The following SMIM45 variants were observed in gnomAD, a reference collection of about 807,000 sequenced individuals.
SMIM45 encodes the protein small integral membrane protein 45.
At chr22:41,953,740 G>GTT in the SMIM45 span, among the ~76,000 whole-genome samples, 128 of 89,322 alleles carry the variant, frequency 1.4e-3, 19 homozygotes, top group Non-Finnish European at 2.4e-3. Context: ...TCTGTGATCT[G>GTT]TTTTTTTTTT....
At chr22:41,947,843 C>T in the SMIM45 span, among the ~76,000 whole-genome samples, 4 of 152,010 alleles carry the variant, frequency 2.6e-5, no homozygotes, top group East Asian at 1.9e-4. Context: ...CCATGTTGCC[C>T]AGGTGGGTCG....
the SMIM45 span, chr22:41,947,277 G>C: frequency 1.7e-6 from 1 of 596,498 alleles, no homozygotes; most frequent in Non-Finnish European, 3.0e-6. Context: ...GGAACACGTG[G>C]TGGACAGGCC....
At chr22:41,951,739 T>C in the SMIM45 span, among the ~76,000 whole-genome samples, 9 of 152,218 alleles carry the variant, frequency 5.9e-5, no homozygotes, top group Admixed American at 5.9e-4. Context: ...ATTGAGCCAA[T>C]GTGTCTGAAC....
the SMIM45 span, among the ~76,000 whole-genome samples, chr22:41,948,752 TA>T: frequency 2.0e-5 from 3 of 152,112 alleles, no homozygotes; most frequent in Admixed American, 2.0e-4. Context: ...ACCTCATCTC[TA>T]CAAAAAAATT....
chr22:41,956,828 G>A, the SMIM45 span, among the ~76,000 whole-genome samples: 1 of 152,240 alleles, frequency 6.6e-6, no homozygotes, highest in Non-Finnish European at 1.5e-5. Flanking sequence ...TCGCTCTGTT[G>A]CCCAGGCTGG....
chr22:41,958,302 G>C, the SMIM45 span: 1 of 456,644 alleles, frequency 2.2e-6, no homozygotes, highest in South Asian at 1.5e-5. Context: ...CAATGGCACC[G>C]GCCCTGCAAC....
the SMIM45 span, among the ~76,000 whole-genome samples, chr22:41,955,956 T>G: frequency 6.6e-6 from 1 of 152,082 alleles, no homozygotes; most frequent in Admixed American, 6.6e-5. Flanking sequence ...TCTGAATATT[T>G]TACATAAATT....
chr22:41,957,146 C>G, the SMIM45 span, among the ~76,000 whole-genome samples: 1 of 150,232 alleles, frequency 6.7e-6, no homozygotes, highest in East Asian at 2.0e-4. Flanking sequence ...TCTGTGCTTG[C>G]CCACGAGGCC....
chr22:41,947,670 T>C, the SMIM45 span, among the ~76,000 whole-genome samples: 15 of 131,272 alleles, frequency 1.1e-4, no homozygotes, highest in Non-Finnish European at 1.9e-4. Context: ...TGCCTGGCCC[T>C]TTTTTTTTTT....
chr22:41,948,091 G>A, the SMIM45 span, among the ~76,000 whole-genome samples: 24 of 152,140 alleles, frequency 1.6e-4, no homozygotes, highest in Non-Finnish European at 7.3e-5. Context: ...ATGCAGGGAC[G>A]CTCAGGGCCC....
At chr22:41,955,449 G>A in the SMIM45 span, among the ~76,000 whole-genome samples, 1 of 152,082 alleles carries the variant, frequency 6.6e-6, no homozygotes, top group Non-Finnish European at 1.5e-5. Flanking sequence ...AAAGTGCTGG[G>A]ATCATAGGCA....
the SMIM45 span, among the ~76,000 whole-genome samples, chr22:41,951,366 A>C: frequency 1.3e-5 from 2 of 152,208 alleles, no homozygotes; most frequent in East Asian, 1.9e-4. Flanking sequence ...TTTGAATTCC[A>C]GCTCAGTCAC....
At chr22:41,947,294 T>C in the SMIM45 span, 2 of 584,408 alleles carry the variant, frequency 3.4e-6, no homozygotes, top group East Asian at 5.6e-5. Flanking sequence ...GGCCTTTGGT[T>C]CCACGCTCCA....
At chr22:41,958,142 A>G in the SMIM45 span, 1 of 350,410 alleles carries the variant, frequency 2.9e-6, no homozygotes, top group Middle Eastern at 4.1e-4. Context: ...CCACCCTCCC[A>G]AGCTCAGGGG....
chr22:41,958,529 A>C, the SMIM45 span: 1 of 376,710 alleles, frequency 2.7e-6, no homozygotes, highest in Non-Finnish European at 5.3e-6. Flanking sequence ...GCGGGCAAGC[A>C]TGGGGAGATG....
At chr22:41,947,204 G>C in the SMIM45 span, 16 of 828,238 alleles carry the variant, frequency 1.9e-5, no homozygotes, top group African/African-American at 1.9e-4. Context: ...GGGACGGGAC[G>C]GGGCCTCTTA....
the SMIM45 span, among the ~76,000 whole-genome samples, chr22:41,951,969 G>C: frequency 6.6e-6 from 1 of 152,162 alleles, no homozygotes; most frequent in African/African-American, 2.4e-5. Context: ...CCCCCTCCCC[G>C]CACTCCCCCA....
At chr22:41,947,990 C>T in the SMIM45 span, among the ~76,000 whole-genome samples, 1 of 152,146 alleles carries the variant, frequency 6.6e-6, no homozygotes, top group African/African-American at 2.4e-5. Flanking sequence ...CAATGGGAGA[C>T]TTTACCTCAT....
the SMIM45 span, chr22:41,946,972 C>T: frequency 2.5e-6 from 4 of 1,596,624 alleles, no homozygotes; most frequent in East Asian, 2.2e-5. Flanking sequence ...GCTGAAGCAC[C>T]GCCCAGGAGG....
Sources: gnomAD v4.1 joint callset for allele counts (sites outside exome capture counted in the v4.1 genomes callset) on GRCh38, gnomAD v4.1.1 for gene constraint, MANE v1.5 for transcripts, NCBI Gene and HGNC (gene_info 2026-07-23, HGNC 2026-07-21) for gene names.